Variants in SMG6 observed in about 807,000 individuals in gnomAD.
SMG6 encodes SMG6 nonsense mediated mRNA decay factor, also known as telomerase-binding protein EST1A.
SMG6 carries 66 observed loss-of-function variants against 142.2 expected under a neutral mutation model. That is an observed-to-expected ratio of 0.46 (90% CI 0.38 to 0.57). The LOEUF (loss-of-function observed/expected upper bound fraction) is 0.57. Among genes scored for constraint, SMG6 ranks in the 20% least tolerant of loss-of-function variants. The pLI, the probability that SMG6 is intolerant of heterozygous loss-of-function variation, is 0.00. For synonymous variants in SMG6, 779 were observed against 702.4 expected, an observed-to-expected ratio of 1.11 and a Z score of -1.72; for missense variants, 1,793 against 1,832.0, an observed-to-expected ratio of 0.98 and a Z score of 0.39.
intron 13 of SMG6, among the ~76,000 whole-genome samples, chr17:2,152,606 A>T (rs1304040847): frequency 1.3e-5 from 2 of 152,268 alleles, no homozygotes; most frequent in Non-Finnish European, 2.9e-5. Context: ...GATGCTCAAC[A>T]TCATTAGCCA....
At chr17:2,128,817 C>CAAAA (rs367580981) in intron 13 of SMG6, among the ~76,000 whole-genome samples, 1,226 of 72,972 alleles carry the variant, frequency 0.017, 32 homozygotes, top group South Asian at 0.059. Flanking sequence ...GAGCAAGACT[C>CAAAA]AAAAAAAAAA....
chr17:2,285,809 G>A (rs901432963), intron 6 of SMG6, among the ~76,000 whole-genome samples: 1 of 152,128 alleles, frequency 6.6e-6, no homozygotes, highest in Non-Finnish European at 1.5e-5. Context: ...GAGTAGCTGG[G>A]ACTACAGGTG....
chr17:2,245,349 T>G (rs1432269551), intron 8 of SMG6, among the ~76,000 whole-genome samples: 6 of 152,212 alleles, frequency 3.9e-5, no homozygotes, highest in Non-Finnish European at 8.8e-5. Flanking sequence ...GGCCAAATCC[T>G]CTATGTAGGC....
At chr17:2,185,237 G>T (rs571422875) in intron 12 of SMG6, among the ~76,000 whole-genome samples, 1 of 152,050 alleles carries the variant, frequency 6.6e-6, no homozygotes, top group Non-Finnish European at 1.5e-5. Flanking sequence ...CCAGGCACAC[G>T]GAAAGACCCC....
intron 10 of SMG6, among the ~76,000 whole-genome samples, chr17:2,204,223 G>C (rs906832680): frequency 2.6e-5 from 4 of 152,170 alleles, no homozygotes; most frequent in Non-Finnish European, 5.9e-5. Flanking sequence ...GAATAAAAAG[G>C]ACCTCTTGGA....
At chr17:2,129,793 C>CAA (rs57556112) in intron 13 of SMG6, among the ~76,000 whole-genome samples, 8,596 of 56,232 alleles carry the variant, frequency 0.15, 2,404 homozygotes, top group Non-Finnish European at 0.2. Context: ...GGCTCTGTCT[C>CAA]AAAAAAAAAA....
chr17:2,288,621 T>TA (rs35498445), intron 6 of SMG6, among the ~76,000 whole-genome samples: 70 of 137,746 alleles, frequency 5.1e-4, no homozygotes, highest in Middle Eastern at 3.8e-3. Context: ...TTCTCTCAAT[T>TA]AAAAAAAAAA....
chr17:2,151,866 C>A (rs2151600430), intron 13 of SMG6, among the ~76,000 whole-genome samples: 1 of 152,322 alleles, frequency 6.6e-6, no homozygotes, highest in Non-Finnish European at 1.5e-5. Context: ...TGCCAATTTG[C>A]TTCTCATGGC....
intron 10 of SMG6, 122 bp downstream of exon 10, chr17:2,236,370 G>A: frequency 1.1e-6 from 1 of 871,120 alleles, no homozygotes. Context: ...CGTAGGGTAG[G>A]GTGTGTGTGT....
intron 8 of SMG6, among the ~76,000 whole-genome samples, chr17:2,260,591 C>T (rs1375963248): frequency 1.3e-5 from 2 of 152,174 alleles, no homozygotes; most frequent in African/African-American, 4.8e-5. Flanking sequence ...TCAATCTTAA[C>T]AAGGATCCAC....
intron 8 of SMG6, among the ~76,000 whole-genome samples, chr17:2,270,832 CT>C: frequency 1.3e-5 from 2 of 152,336 alleles, no homozygotes; most frequent in Non-Finnish European, 2.9e-5. Context: ...GTTCAAGATG[CT>C]TCCTTACGAA....
At chr17:2,303,395 G>A (rs1409667958) in intron 1 of SMG6, 7 of 1,246,676 alleles carry the variant, frequency 5.6e-6, no homozygotes, top group Non-Finnish European at 7.0e-6. Flanking sequence ...CGAGAAAGAG[G>A]GTGGAGGCAG....
intron 10 of SMG6, among the ~76,000 whole-genome samples, chr17:2,219,970 G>A (rs2073128145): frequency 6.6e-6 from 1 of 152,148 alleles, no homozygotes; most frequent in African/African-American, 2.4e-5. Context: ...TTCCTAGGCT[G>A]GAATGCAATG....
chr17:2,060,355 C>T lies in SMG6; in HGVS notation c.*1137G>A, dbSNP rs2067737850. ...TGTCAGTTTTTCCGGGGAGTGAGGG[C>T]AAAGCTAGAAACCAGGTTAGGCGAC... On this transcript the variant is annotated 3_prime_UTR_variant, in exon 19 of 19. Transcript: ENST00000263073. 6.6e-6 allele frequency: 1 copy of T among 152,272 alleles called. No homozygotes were observed. Among genetic ancestry groups the T allele is most frequent in the African/African-American group, 2.4e-5 (1 of 41,458 alleles). The allele number at this position is 152,272 out of a possible 1,614,324, so 9.4% of individuals were successfully genotyped here. A position where few individuals can be genotyped will look rare whatever the true frequency, so the allele number is the denominator to read the frequency against.
intron 13 of SMG6, among the ~76,000 whole-genome samples, chr17:2,131,096 T>C (rs544525775): frequency 3.3e-5 from 5 of 152,294 alleles, no homozygotes; most frequent in African/African-American, 2.4e-5. Context: ...ATTAAAACAA[T>C]TGATTTTTAT....
intron 12 of SMG6, 50 bp downstream of exon 12, chr17:2,186,613 A>G (rs569250867): frequency 6.2e-7 from 1 of 1,600,848 alleles, no homozygotes; most frequent in Non-Finnish European, 8.5e-7. Flanking sequence ...CTGTAGGAAC[A>G]CGGGCAGGCC....
chr17:2,109,638 G>A (rs1026933838), intron 13 of SMG6, among the ~76,000 whole-genome samples: 1 of 152,134 alleles, frequency 6.6e-6, no homozygotes. Context: ...CAATAACTAC[G>A]TGCTGCTTAC....
intron 10 of SMG6, among the ~76,000 whole-genome samples, chr17:2,215,276 T>C (rs1033657467): frequency 2.6e-5 from 4 of 152,142 alleles, no homozygotes; most frequent in African/African-American, 9.7e-5. Flanking sequence ...TATAACAGGA[T>C]ATTTTTAGTT....
chr17:2,186,825 A>C lies in SMG6; in HGVS notation c.2993T>G (p.Leu998Arg), dbSNP rs1371478489. 2 of 1,614,114 alleles carry C rather than the reference A, an allele frequency of 1.2e-6. No homozygotes were observed. Among genetic ancestry groups the C allele is most frequent in the Non-Finnish European group, 1.7e-6 (2 of 1,179,988 alleles). ...GTCATCCTGGTCCTCAGGAGAGGAC[A>C]GCTGAGCTGCAGAGGCAAAGGGTGA... ...CLLKESAKAQLSSPEDQDDQD... is the reference protein window; with the variant it reads ...CLLKESAKAQRSSPEDQDDQD... The change falls in exon 12 of 19, where the codon CTG (leucine) becomes CGG (arginine). Residue 998 changes from leucine (L) to arginine (R), a missense_variant. By Grantham distance (102) the Leu-to-Arg change is moderately radical. Around this residue, in one of 3 missense-constraint regions of SMG6, gnomAD observed 1,597 missense variants for 1,584.6 expected, o/e 1.01. Coordinates refer to ENST00000263073, the MANE Select transcript of SMG6 (RefSeq NM_017575.5).
Sources: allele counts gnomAD v4.1 joint callset (sites outside exome capture counted in the v4.1 genomes callset), GRCh38; gene constraint gnomAD v4.1.1; regional missense constraint gnomAD v4.1.1; transcripts MANE v1.5; gene names NCBI Gene and HGNC (gene_info 2026-07-23, HGNC 2026-07-21).